The following HDAC4 variants were observed in gnomAD, a reference collection of about 807,000 sequenced individuals.
The protein encoded by HDAC4 is histone deacetylase A.
A neutral mutation model predicts 135.1 loss-of-function variants in HDAC4; 16 were observed. That is an observed-to-expected ratio of 0.12 (90% CI 0.08 to 0.18). The LOEUF (loss-of-function observed/expected upper bound fraction) is 0.18, where lower values mean the gene tolerates loss of function less well. Among genes scored for constraint, HDAC4 ranks in the 10% least tolerant of loss-of-function variants. The pLI, the probability that HDAC4 is intolerant of heterozygous loss-of-function variation, is 1.00. For missense variants in HDAC4, 1,143 were observed against 1,511.8 expected (o/e 0.76, Z 4.05); for synonymous variants, 685 against 653.4 (o/e 1.05, Z -0.74).
chr2:239,337,706 C>T (rs1044527204), intron 2 of HDAC4, among the ~76,000 whole-genome samples: 2 of 152,052 alleles, frequency 1.3e-5, no homozygotes, highest in African/African-American at 2.4e-5. Flanking sequence ...AAACATACGG[C>T]GACGGGGGAG....
chr2:239,222,881 G>A (rs1358491522), intron 3 of HDAC4, among the ~76,000 whole-genome samples: 2 of 152,176 alleles, frequency 1.3e-5, no homozygotes, highest in African/African-American at 4.8e-5. Context: ...AGTAAGCATT[G>A]TCACCTGGAT....
chr2:239,124,461 T>C (rs1429190856), intron 12 of HDAC4, among the ~76,000 whole-genome samples: 1 of 152,266 alleles, frequency 6.6e-6, no homozygotes, highest in Non-Finnish European at 1.5e-5. Context: ...CGCTTGTCAG[T>C]GTCATTCCAC....
chr2:239,168,600 C>T (rs576912485), intron 5 of HDAC4, among the ~76,000 whole-genome samples: 6 of 152,300 alleles, frequency 3.9e-5, no homozygotes, highest in East Asian at 1.9e-4. Flanking sequence ...TGCTGTGCAC[C>T]GTGTTTTCAA....
intron 11 of HDAC4, 28 bp from the exon 12 acceptor site, chr2:239,126,722 A>G: frequency 6.2e-7 from 1 of 1,608,064 alleles, no homozygotes; most frequent in Non-Finnish European, 8.5e-7. Context: ...AAGAAACAGC[A>G]GAGGGGAAGA....
At chr2:239,261,542 G>A (rs1192124912) in intron 2 of HDAC4, among the ~76,000 whole-genome samples, 1 of 152,128 alleles carries the variant, frequency 6.6e-6, no homozygotes, top group African/African-American at 2.4e-5. Context: ...TGCCAAAAAT[G>A]GGCATCTTAC....
chr2:239,271,975 C>T (rs773436867), intron 2 of HDAC4, among the ~76,000 whole-genome samples: 6 of 152,170 alleles, frequency 3.9e-5, no homozygotes, highest in Non-Finnish European at 8.8e-5. Context: ...AAACTCTGCA[C>T]AGTAATGACA....
chr2:239,379,241 G>A (rs980637871), intron 1 of HDAC4, among the ~76,000 whole-genome samples: 2 of 152,158 alleles, frequency 1.3e-5, no homozygotes, highest in African/African-American at 4.8e-5. Context: ...TGGAGAGGAA[G>A]GAAGCCAGGT....
At chr2:239,143,741 C>T (rs1236797380) in intron 8 of HDAC4, among the ~76,000 whole-genome samples, 1 of 152,236 alleles carries the variant, frequency 6.6e-6, no homozygotes, top group Non-Finnish European at 1.5e-5. Context: ...GGGCATGGCA[C>T]CAGGAGCCCC....
intron 11 of HDAC4, among the ~76,000 whole-genome samples, chr2:239,132,003 T>A (rs941194490): frequency 6.6e-6 from 1 of 151,930 alleles, no homozygotes; most frequent in African/African-American, 2.4e-5. Context: ...GATGGGGCAA[T>A]CCCAGCGGGT....
chr2:239,374,534 G>A (rs1433677821), intron 1 of HDAC4, among the ~76,000 whole-genome samples: 5 of 149,112 alleles, frequency 3.4e-5, no homozygotes, highest in African/African-American at 9.8e-5. Flanking sequence ...CTCCCAAGTA[G>A]CTGGGACTAC....
intron 2 of HDAC4, among the ~76,000 whole-genome samples, chr2:239,284,891 TG>T (rs990525038): frequency 1.3e-5 from 2 of 152,214 alleles, no homozygotes; most frequent in Non-Finnish European, 2.9e-5. Flanking sequence ...TGTTTTTTAA[TG>T]TAAGTAATTA....
chr2:239,230,159 G>A (rs1392209143), intron 3 of HDAC4, among the ~76,000 whole-genome samples: 4 of 151,956 alleles, frequency 2.6e-5, no homozygotes, highest in East Asian at 1.9e-4. Flanking sequence ...AGGAGGGGGC[G>A]TCTAAGGAGG....
chr2:239,363,576 G>A (rs1693992241), intron 1 of HDAC4, among the ~76,000 whole-genome samples: 1 of 152,226 alleles, frequency 6.6e-6, no homozygotes, highest in Admixed American at 6.5e-5. Context: ...CCGCCATGAT[G>A]GAAATTAGTA....
chr2:239,186,878 C>T (rs761798948), intron 4 of HDAC4: 6 of 152,284 alleles, frequency 3.9e-5, no homozygotes, highest in Non-Finnish European at 7.3e-5. Flanking sequence ...CAGTCAAACA[C>T]ACGGGGCTTA....
chr2:239,261,853 C>A (rs190042980), intron 2 of HDAC4, among the ~76,000 whole-genome samples: 6 of 152,204 alleles, frequency 3.9e-5, no homozygotes, highest in Non-Finnish European at 7.4e-5. Flanking sequence ...GGACACCCCC[C>A]ACCCGGCCCA....
intron 7 of HDAC4, among the ~76,000 whole-genome samples, chr2:239,155,968 C>T (rs1203906186): frequency 6.6e-6 from 1 of 152,186 alleles, no homozygotes; most frequent in African/African-American, 2.4e-5. Flanking sequence ...GCACTGCCCA[C>T]AGCCACCCTA....
intron 2 of HDAC4, among the ~76,000 whole-genome samples, chr2:239,330,936 A>G (rs1404850261): frequency 6.6e-6 from 1 of 152,226 alleles, no homozygotes; most frequent in Non-Finnish European, 1.5e-5. Context: ...GCCACTGAAG[A>G]GGACAGGCTG....
chr2:239,084,740 C>A (rs377415876), intron 19 of HDAC4, among the ~76,000 whole-genome samples: 1 of 141,644 alleles, frequency 7.1e-6, no homozygotes, highest in Non-Finnish European at 1.6e-5. Context: ...CCCACAGATA[C>A]GCCCATACAC....
At chr2:239,126,407 C>A (rs763190969) in intron 12 of HDAC4, 49 bp downstream of exon 12, 13 of 1,611,742 alleles carry the variant, frequency 8.1e-6, no homozygotes, top group African/African-American at 1.3e-5. Flanking sequence ...CTGAAGCGCA[C>A]AGCACACAGC....
Sources: gnomAD v4.1 joint callset for allele counts (sites outside exome capture counted in the v4.1 genomes callset) on GRCh38, gnomAD v4.1.1 for gene constraint, MANE v1.5 for transcripts, NCBI Gene and HGNC (gene_info 2026-07-23, HGNC 2026-07-21) for gene names.